Variants in UNC13C observed in about 807,000 individuals in gnomAD.
The protein encoded by UNC13C is protein unc-13 homolog C.
A neutral mutation model predicts 245.4 loss-of-function variants in UNC13C; 174 were observed. The observed-to-expected ratio is 0.71, with a 90% CI of 0.63 to 0.80. UNC13C has a LOEUF of 0.80. Among genes scored for constraint, UNC13C ranks in the 30% least tolerant of loss-of-function variants. The pLI, the probability that UNC13C is intolerant of heterozygous loss-of-function variation, is 0.00. For missense variants in UNC13C, 2,829 were observed against 2,602.9 expected (o/e 1.09, Z -1.89); for synonymous variants, 992 against 895.1 (o/e 1.11, Z -1.93).
intron 1 of UNC13C, among the ~76,000 whole-genome samples, chr15:54,011,681 A>G (rs891822360): frequency 1.3e-5 from 2 of 152,224 alleles, no homozygotes; most frequent in Non-Finnish European, 2.9e-5. Context: ...ATACCCTGAT[A>G]GTATTTGAAA....
At chr15:54,372,497 TA>T (rs1263161181) in intron 17 of UNC13C, among the ~76,000 whole-genome samples, 1 of 152,184 alleles carries the variant, frequency 6.6e-6, no homozygotes, top group Non-Finnish European at 1.5e-5. Flanking sequence ...TCTCCAAAAA[TA>T]ACCACACTCT....
At chr15:53,940,810 A>G in the UNC13C span, among the ~76,000 whole-genome samples, 1 of 152,324 alleles carries the variant, frequency 6.6e-6, no homozygotes, top group Non-Finnish European at 1.5e-5. Flanking sequence ...GCTCAAGGAA[A>G]TCAGGACACA....
At chr15:54,131,133 C>T (rs2031390458) in intron 2 of UNC13C, among the ~76,000 whole-genome samples, 2 of 152,076 alleles carry the variant, frequency 1.3e-5, no homozygotes, top group South Asian at 4.1e-4. Context: ...TGATTTTGAG[C>T]TTAGATATGT....
At chr15:53,894,369 T>G in the UNC13C span, among the ~76,000 whole-genome samples, 1 of 152,232 alleles carries the variant, frequency 6.6e-6, no homozygotes, top group African/African-American at 2.4e-5. Flanking sequence ...TACCTAAATA[T>G]TCTTATAGTT....
intron 4 of UNC13C, among the ~76,000 whole-genome samples, chr15:54,164,817 A>T (rs1229043835): frequency 1.1e-4 from 16 of 152,230 alleles, no homozygotes; most frequent in African/African-American, 3.9e-4. Context: ...AAAAAATCAC[A>T]GACAGCTCTA....
the UNC13C span, among the ~76,000 whole-genome samples, chr15:53,905,107 T>C: frequency 6.6e-6 from 1 of 152,096 alleles, no homozygotes; most frequent in African/African-American, 2.4e-5. Context: ...TTTTAAAATA[T>C]AGAAGGCATG....
chr15:53,990,476 G>A (rs997518057), intron 1 of UNC13C, among the ~76,000 whole-genome samples: 1 of 152,038 alleles, frequency 6.6e-6, no homozygotes. Context: ...ATCTGTATAT[G>A]AAGGACATAT....
intron 10 of UNC13C, among the ~76,000 whole-genome samples, chr15:54,293,334 G>T (rs1438024478): frequency 6.6e-6 from 1 of 151,930 alleles, no homozygotes; most frequent in Non-Finnish European, 1.5e-5. Flanking sequence ...AGAAAACCTG[G>T]AAATTAACGA....
chr15:54,001,011 C>T (rs1894861783), intron 1 of UNC13C, among the ~76,000 whole-genome samples: 1 of 152,142 alleles, frequency 6.6e-6, no homozygotes, highest in Admixed American at 6.5e-5. Context: ...ATAATTTTTA[C>T]ATCTTAGGAG....
chr15:54,389,877 TGCCAC>T (rs1214319483), intron 17 of UNC13C, among the ~76,000 whole-genome samples: 4 of 152,108 alleles, frequency 2.6e-5, no homozygotes, highest in African/African-American at 9.7e-5. Context: ...TACAGGCATG[TGCCAC>T]CATGCCCAGC....
intron 19 of UNC13C, among the ~76,000 whole-genome samples, chr15:54,450,379 C>T (rs1891101414): frequency 6.6e-6 from 1 of 152,248 alleles, no homozygotes; most frequent in South Asian, 2.1e-4. Context: ...GTGGAGTCTA[C>T]AGAGGCCGGC....
chr15:54,591,973 G>C (rs1898816895), intron 30 of UNC13C, among the ~76,000 whole-genome samples: 1 of 152,034 alleles, frequency 6.6e-6, no homozygotes, highest in African/African-American at 2.4e-5. Context: ...CTGTATCCCA[G>C]AGGTTTTGAT....
At chr15:54,570,346 A>C (rs954639145) in intron 30 of UNC13C, among the ~76,000 whole-genome samples, 1 of 152,180 alleles carries the variant, frequency 6.6e-6, no homozygotes, top group Non-Finnish European at 1.5e-5. Context: ...CACTTGAGCC[A>C]TACAAAACTC....
intron 19 of UNC13C, among the ~76,000 whole-genome samples, chr15:54,441,789 G>A (rs1259649514): frequency 6.6e-6 from 1 of 151,674 alleles, no homozygotes; most frequent in African/African-American, 2.4e-5. Context: ...GTGTATGATT[G>A]TTTTAACAAT....
chr15:54,081,812 G>A (rs1263984532), intron 2 of UNC13C, among the ~76,000 whole-genome samples: 1 of 152,042 alleles, frequency 6.6e-6, no homozygotes, highest in Non-Finnish European at 1.5e-5. Context: ...TGATATGTGA[G>A]GTTTTGTTCC....
At chr15:54,369,695 A>G (rs1046785913) in intron 17 of UNC13C, among the ~76,000 whole-genome samples, 10 of 152,128 alleles carry the variant, frequency 6.6e-5, no homozygotes, top group Non-Finnish European at 1.2e-4. Flanking sequence ...AGTGTCACTG[A>G]CATTACTTCA....
chr15:53,979,694 T>C (rs1893847845), intron 1 of UNC13C, among the ~76,000 whole-genome samples: 1 of 152,136 alleles, frequency 6.6e-6, no homozygotes, highest in Non-Finnish European at 1.5e-5. Context: ...TAAAAATCAA[T>C]TTTCCTCGTT....
In UNC13C at chr15:54,453,368, T is replaced by C. The variant is rs149353971; in HGVS notation, c.4933+38301T>C. 1.6e-3 allele frequency among the ~76,000 whole-genome samples: 241 copies of C among 152,342 alleles called. 1 individual carries two copies. The highest frequency in any genetic ancestry group is 5.6e-3 in the African/African-American group (233 of 41,584). ...CTGTCTCTTATCTGTTGAATCCTGA[T>C]GTTCTCTCTTAGAGGATCTATTGAA... On this transcript the variant is annotated intron_variant, in intron 19 of 32. Transcript: ENST00000260323.
intron 19 of UNC13C, among the ~76,000 whole-genome samples, chr15:54,457,910 T>C: frequency 6.6e-6 from 1 of 151,004 alleles, no homozygotes; most frequent in East Asian, 1.9e-4. Context: ...TTTTTTCCTT[T>C]TTTTTTTCTG....
Sources: gnomAD v4.1 joint callset for allele counts (sites outside exome capture counted in the v4.1 genomes callset) on GRCh38, gnomAD v4.1.1 for gene constraint, MANE v1.5 for transcripts, NCBI Gene and HGNC (gene_info 2026-07-23, HGNC 2026-07-21) for gene names.